Variants in IGF2R observed in about 807,000 individuals in gnomAD.
The protein encoded by IGF2R is insulin like growth factor 2 receptor, also known as cation-independent mannose-6-phosphate receptor.
Under a neutral mutation model 270.6 loss-of-function variants are expected in IGF2R, and 91 were observed. The observed-to-expected ratio is 0.34, with a 90% CI of 0.28 to 0.40. The LOEUF (loss-of-function observed/expected upper bound fraction) is 0.40, where lower values mean the gene tolerates loss of function less well. IGF2R is among the 10% of genes least tolerant of loss of function. The pLI, the probability that IGF2R is intolerant of heterozygous loss-of-function variation, is 1.00. For missense variants in IGF2R, 2,805 were observed against 3,188.3 expected (o/e 0.88, Z 2.90); for synonymous variants, 1,316 against 1,258.9 (o/e 1.05, Z -0.96).
chr6:160,003,094 C>T (rs1175572463), intron 2 of IGF2R, among the ~76,000 whole-genome samples: 1 of 152,168 alleles, frequency 6.6e-6, no homozygotes, highest in East Asian at 1.9e-4. Flanking sequence ...ACTGTAGTTG[C>T]CGTCCCAGGT....
intron 1 of IGF2R, among the ~76,000 whole-genome samples, chr6:159,982,566 T>C (rs1783822522): frequency 6.6e-6 from 1 of 152,262 alleles, no homozygotes. Context: ...TTCTGTCTTT[T>C]AAGGAAACCA....
intron 45 of IGF2R, among the ~76,000 whole-genome samples, chr6:160,096,982 A>C (rs1779375490): frequency 6.6e-6 from 1 of 152,222 alleles, no homozygotes; most frequent in African/African-American, 2.4e-5. Flanking sequence ...GGAGGCAAGT[A>C]CTGGTGGTGC....
chr6:160,110,204 C>T lies in IGF2R; in HGVS notation c.*5120C>T, dbSNP rs574534626. The T allele has an allele frequency of 6.6e-6, 1 of 152,364 alleles. No individual in the cohort carries two copies. The highest frequency in any genetic ancestry group is 1.9e-4 in the East Asian group (1 of 5,176). The allele number at this position is 152,364 out of a possible 1,614,324, so 9.4% of individuals were successfully genotyped here. ...GGAGCTGGTGGCCTGTGACCATCCA[C>T]TGGGAAATTCCCTTCTGTGGCGAGG... is the stretch of plus-strand genomic sequence containing the variant. On this transcript the variant is annotated 3_prime_UTR_variant, in exon 48 of 48. Coordinates refer to ENST00000356956, the MANE Select transcript of IGF2R (RefSeq NM_000876.4).
chr6:159,973,538 A>AT (rs142645656), intron 1 of IGF2R, among the ~76,000 whole-genome samples: 11 of 151,520 alleles, frequency 7.3e-5, no homozygotes, highest in Non-Finnish European at 1.0e-4. Flanking sequence ...CTCTAAGGAG[A>AT]TTTTTTTTTC....
intron 7 of IGF2R, among the ~76,000 whole-genome samples, chr6:160,030,775 TAGA>T (rs1443908899): frequency 1.3e-5 from 2 of 151,976 alleles, no homozygotes; most frequent in Admixed American, 6.6e-5. Context: ...TTCTTGGTGT[TAGA>T]AGAAGAGGCT....
At chr6:160,038,874 G>A (rs1777881438) in intron 10 of IGF2R, among the ~76,000 whole-genome samples, 1 of 152,166 alleles carries the variant, frequency 6.6e-6, no homozygotes, top group Non-Finnish European at 1.5e-5. Context: ...CCCCACAGTA[G>A]AGTGGGGCAA....
At chr6:160,034,306 C>A in intron 9 of IGF2R, 113 bp from the exon 10 acceptor site, 1 of 627,378 alleles carries the variant, frequency 1.6e-6, no homozygotes. Context: ...TGTTTTAGAT[C>A]CGTAGTGATT....
Position 159,986,398 on chromosome 6 carries a change from A to ATT in IGF2R, c.150-4782_150-4781dup, listed in dbSNP as rs1367635413. On this transcript the variant is annotated intron_variant, in intron 1 of 47. Coordinates refer to ENST00000356956, the MANE Select transcript of IGF2R (RefSeq NM_000876.4). ...AAGCGTGCGCGACCATGCCTGGCTA[A>ATT]TTTTTGTGTGTGTGTGTGTGTGTGT... Among the ~76,000 whole-genome samples the ATT allele has an allele frequency of 8.1e-5, 10 of 123,870 alleles. No individual in the cohort carries two copies. The East Asian group carries it at 9.5e-4, about 12-fold the overall frequency. The allele number at this position is 123,870 out of a possible 152,430, so 81.3% of individuals were successfully genotyped here. A position where few individuals can be genotyped will look rare whatever the true frequency, so the allele number is the denominator to read the frequency against.
chr6:159,981,860 C>T (rs1385142322), intron 1 of IGF2R, among the ~76,000 whole-genome samples: 1 of 152,204 alleles, frequency 6.6e-6, no homozygotes, highest in Non-Finnish European at 1.5e-5. Context: ...GGCTTCCAGC[C>T]GGATCCCTCT....
Position 160,108,193 on chromosome 6 carries a change from TAGTA to T in IGF2R, c.*3110_*3113del, listed in dbSNP as rs1779664032. ...ACTTCTCCGGTTCCACTCTGTTGAC[TAGTA>T]GTTGGCCTCTTGAGCCATACTTGCT... On this transcript the variant is annotated 3_prime_UTR_variant, in exon 48 of 48. Coordinates refer to ENST00000356956, the MANE Select transcript of IGF2R (RefSeq NM_000876.4). 1 of 152,344 alleles carries T rather than the reference TAGTA, an allele frequency of 6.6e-6. No homozygotes were observed. The highest frequency in any genetic ancestry group is 2.1e-4 in the South Asian group (1 of 4,832). 9.4% of individuals were successfully genotyped at this position (152,344 alleles called of 1,614,324 possible). A position where few individuals can be genotyped will look rare whatever the true frequency, so the allele number is the denominator to read the frequency against.
At chr6:160,073,628 T>A (rs1012364175) in intron 34 of IGF2R, 129 bp from the exon 35 acceptor site, 2 of 1,071,914 alleles carry the variant, frequency 1.9e-6, no homozygotes, top group Non-Finnish European at 1.4e-6. Context: ...CAGTGCTATG[T>A]AATGAAGCAT....
At chr6:160,049,069 A>G (rs1357455352) in intron 18 of IGF2R, among the ~76,000 whole-genome samples, 7 of 152,180 alleles carry the variant, frequency 4.6e-5, no homozygotes, top group Non-Finnish European at 8.8e-5. Context: ...GTCTCTGGAC[A>G]TCTGTATTGG....
At chr6:159,997,793 G>A (rs1362458729) in intron 2 of IGF2R, among the ~76,000 whole-genome samples, 1 of 152,178 alleles carries the variant, frequency 6.6e-6, no homozygotes, top group Non-Finnish European at 1.5e-5. Flanking sequence ...TGGCAACTCT[G>A]TTCAGCTGTC....
Position 160,069,994 on chromosome 6 carries a change from T to C in IGF2R, c.4379T>C (p.Leu1460Ser). Residue 1460 changes from leucine (L) to serine (S), a missense_variant, in exon 31 of 48, where the codon TTA (leucine) becomes TCA (serine). Physicochemically the swap from Leu to Ser is moderately radical, Grantham distance 145 (BLOSUM62 -2). Coordinates refer to ENST00000356956, the MANE Select transcript of IGF2R (RefSeq NM_000876.4). ...IIVLKYVDGD[L>S]CPDGIRKKST... is the part of the protein sequence containing the mutation. Reference sequence around the variant, plus strand: ...GTCCTGAAATACGTTGATGGCGACTTATGTCCAGATGGGATTCGGAAAAAG... The same window carrying C: ...GTCCTGAAATACGTTGATGGCGACTCATGTCCAGATGGGATTCGGAAAAAG... 1 of 1,614,244 alleles carries C rather than the reference T, an allele frequency of 6.2e-7. No individual in the cohort carries two copies. Among genetic ancestry groups the C allele is most frequent in the Non-Finnish European group, 8.5e-7 (1 of 1,180,034 alleles).
chr6:160,084,970 C>A lies in IGF2R; in HGVS notation c.6069-25C>A, dbSNP rs1212546767. The A allele has an allele frequency of 8.7e-6, 14 of 1,602,962 alleles. No individual in the cohort carries two copies. Among genetic ancestry groups the A allele is most frequent in the Non-Finnish European group, 1.1e-5 (13 of 1,171,030 alleles). ...AGAGACGTCACTTGCATGCCTTTTA[C>A]CTGCCCCTTTGTGTCGTTTTCTAGG... On this transcript the variant is annotated intron_variant, in intron 40 of 47. Transcript: ENST00000356956. This position sits in a 1 kb window ranked among gnomAD's most constrained non-coding sequence, Gnocchi z 4.6.
intron 1 of IGF2R, among the ~76,000 whole-genome samples, chr6:159,972,563 C>T (rs1217401198): frequency 1.3e-5 from 2 of 152,156 alleles, no homozygotes; most frequent in African/African-American, 2.4e-5. Flanking sequence ...TCTCTAGAAC[C>T]TAGAGAGAAT....
rs1779696783 is a variant in IGF2R at position 160,109,462 on chromosome 6, A to G, written c.*4378A>G. Reference sequence around the variant, plus strand: ...ATTCAAACTTACAGAACAAAGAACTATTTTTTCCCTGAATCATTTGAGACT... The same window carrying G: ...ATTCAAACTTACAGAACAAAGAACTGTTTTTTCCCTGAATCATTTGAGACT... On this transcript the variant is annotated 3_prime_UTR_variant, in exon 48 of 48. Coordinates refer to ENST00000356956, the MANE Select transcript of IGF2R (RefSeq NM_000876.4). 6.6e-6 allele frequency: 1 copy of G among 152,182 alleles called. No individual in the cohort carries two copies. Among genetic ancestry groups the G allele is most frequent in the South Asian group, 2.1e-4 (1 of 4,828 alleles). 9.4% of individuals were successfully genotyped at this position (152,182 alleles called of 1,614,324 possible). A position where few individuals can be genotyped will look rare whatever the true frequency, so the allele number is the denominator to read the frequency against.
At chr6:159,981,303 GTC>G (rs1333065611) in intron 1 of IGF2R, among the ~76,000 whole-genome samples, 1 of 151,918 alleles carries the variant, frequency 6.6e-6, no homozygotes, top group Non-Finnish European at 1.5e-5. Flanking sequence ...AAGTGTGTGT[GTC>G]TGAGTGTCTG....
chr6:160,080,104 C>T, intron 38 of IGF2R, 25 bp from the exon 39 acceptor site: 1 of 1,612,306 alleles, frequency 6.2e-7, no homozygotes, highest in Admixed American at 1.7e-5. Context: ...AGCTGCCACA[C>T]TGATAATGTT....
Sources: allele counts gnomAD v4.1 joint callset (sites outside exome capture counted in the v4.1 genomes callset), GRCh38; gene constraint gnomAD v4.1.1; non-coding constraint Gnocchi (gnomAD v3.1); transcripts MANE v1.5; gene names NCBI Gene and HGNC (gene_info 2026-07-23, HGNC 2026-07-21).